The following LGI2 variants were observed in gnomAD, a reference collection of about 807,000 sequenced individuals.
LGI2 encodes leucine-rich repeat LGI family member 2.
LGI2 carries 30 observed loss-of-function variants against 52.0 expected under a neutral mutation model. The ratio of observed to expected loss-of-function variants is 0.58; its 90% CI spans 0.43 to 0.78. The LOEUF is 0.78. Ranked by LOEUF, LGI2 falls within the 30% of genes least tolerant of loss-of-function variation. The probability of loss-of-function intolerance (pLI) is 0.00; values close to 1 mark genes in which losing one functional copy is unlikely to be tolerated. For missense variants in LGI2, 573 were observed against 692.5 expected, an observed-to-expected ratio of 0.83 and a Z score of 1.94; for synonymous variants, 270 against 271.8, an observed-to-expected ratio of 0.99 and a Z score of 0.06.
At chr4:24,994,564 C>T (rs1246897980), downstream of LGI2, among the ~76,000 whole-genome samples, 1 of 152,152 alleles carries the variant, frequency 6.6e-6, no homozygotes, top group Non-Finnish European at 1.5e-5. Context: ...CACTCTCTCC[C>T]TCTGGTCTGC....
chr4:25,011,349 G>T (rs1398416143), intron 7 of LGI2, among the ~76,000 whole-genome samples: 1 of 152,126 alleles, frequency 6.6e-6, no homozygotes, highest in Admixed American at 6.5e-5. Context: ...TCTCCGGAAG[G>T]TGAGCTCAGC....
At chr4:25,010,142 C>T (rs372192169) in intron 7 of LGI2, among the ~76,000 whole-genome samples, 6 of 151,888 alleles carry the variant, frequency 4.0e-5, no homozygotes, top group Middle Eastern at 3.2e-3. Flanking sequence ...TAGCCGGGTG[C>T]GGTAGCAGGT....
rs558067025 is a variant in LGI2, at chr4:25,024,933, T to C, written c.342-42A>G. 4 of 1,315,958 alleles carry C rather than the reference T, an allele frequency of 3.0e-6. No individual in the cohort carries two copies. The African/African-American group carries it at 4.4e-5, about 15-fold the overall frequency. 81.5% of individuals were successfully genotyped at this position (1,315,958 alleles called of 1,614,324 possible). On this transcript the variant is annotated intron_variant, in intron 3 of 7. Coordinates refer to ENST00000382114, the MANE Select transcript of LGI2 (RefSeq NM_018176.4). ...TATAATTAAAATGAATTTTCTCTCCTTAGTATCCCAAAAAAACTATGTTGG... is the reference window on the plus strand; with the variant it reads ...TATAATTAAAATGAATTTTCTCTCCCTAGTATCCCAAAAAAACTATGTTGG...
rs9999022 is a variant in LGI2, at chr4:25,000,535, G to T, written c.*2916C>A. 0.47 allele frequency: 72,175 copies of T among 152,070 alleles called. 17,653 individuals are homozygous for T. Among genetic ancestry groups the T allele is most frequent in the East Asian group, 0.77 (3,988 of 5,174 alleles). The allele number at this position is 152,070 out of a possible 1,614,324, so 9.4% of individuals were successfully genotyped here. ...AACACAGTGCTCTTCATGTCTAAGA[G>T]TTATTTTTAGAGTCTTGATAATAGA... On this transcript the variant is annotated 3_prime_UTR_variant, in exon 8 of 8. Coordinates refer to ENST00000382114, the MANE Select transcript of LGI2 (RefSeq NM_018176.4).
intron 2 of LGI2, 77 bp downstream of exon 2, chr4:25,028,430 C>T (rs2109428181): frequency 7.4e-7 from 1 of 1,358,204 alleles, no homozygotes; most frequent in Non-Finnish European, 1.0e-6. Flanking sequence ...AGGGCTGATA[C>T]CAAAGAGGCA....
At chr4:24,994,404 T>C (rs1234533948), downstream of LGI2, among the ~76,000 whole-genome samples, 1 of 152,220 alleles carries the variant, frequency 6.6e-6, no homozygotes, top group Non-Finnish European at 1.5e-5. Flanking sequence ...GCTTGATTCC[T>C]ACTCCTGATG....
chr4:25,007,071 G>A (rs547939893), intron 7 of LGI2, among the ~76,000 whole-genome samples: 6 of 151,626 alleles, frequency 4.0e-5, no homozygotes, highest in African/African-American at 7.3e-5. Flanking sequence ...TTCACTTGGC[G>A]CCCATGCTGT....
chr4:25,030,401 C>T (rs1047104145), intron 1 of LGI2, 96 bp downstream of exon 1: 2 of 1,343,018 alleles, frequency 1.5e-6, no homozygotes, highest in African/African-American at 2.9e-5. Flanking sequence ...GGGAGTGGGT[C>T]AGGGTCGCGC....
rs1335764891 is a variant in LGI2 at position 25,030,916 on chromosome 4, C to T, written c.-223G>A. The T allele has an allele frequency of 2.5e-5, 4 of 158,872 alleles. No individual in the cohort carries two copies. The highest frequency in any genetic ancestry group is 4.8e-5 in the African/African-American group (2 of 41,384). 9.8% of individuals were successfully genotyped at this position (158,872 alleles called of 1,614,324 possible). On this transcript the variant is annotated 5_prime_UTR_variant, in exon 1 of 8. Transcript: ENST00000382114. ...ACCCGAGCCCGGGCTGCTGGGCGGC[C>T]GCCGCCGCTGCGCCCGCCGCACTCG... is the stretch of plus-strand genomic sequence containing the variant.
At position 25,004,325 on chromosome 4, in the gene LGI2, C is replaced by A; in HGVS notation, c.821-57G>T. 6.9e-7 allele frequency: 1 copy of A among 1,446,330 alleles called. No homozygotes were observed. Among genetic ancestry groups the A allele is most frequent in the South Asian group, 1.3e-5 (1 of 77,940 alleles). 89.6% of individuals were successfully genotyped at this position (1,446,330 alleles called of 1,614,324 possible). On this transcript the variant is annotated intron_variant, in intron 7 of 7. Transcript: ENST00000382114. The surrounding 1 kb of genome is among the most constrained non-coding windows in gnomAD (Gnocchi z 4.6). ...TGCAACTACAGCTAAAAACGCATCTCCGCTTGTACTCTTATACACTGCTGG... is the reference window on the plus strand; with the variant it reads ...TGCAACTACAGCTAAAAACGCATCTACGCTTGTACTCTTATACACTGCTGG...
chr4:25,011,298 T>G (rs1039180097), intron 7 of LGI2, among the ~76,000 whole-genome samples: 2 of 152,168 alleles, frequency 1.3e-5, no homozygotes, highest in South Asian at 2.1e-4. Flanking sequence ...CAGGTTCACC[T>G]GTGCTACTCT....
chr4:25,023,058 T>G (rs1287391257), intron 4 of LGI2, among the ~76,000 whole-genome samples: 1 of 85,780 alleles, frequency 1.2e-5, no homozygotes, highest in Non-Finnish European at 2.4e-5. Context: ...GGGAAGGAAT[T>G]ATGTTGATGT....
Position 24,999,956 on chromosome 4 carries a change from C to T in LGI2, c.*3495G>A, listed in dbSNP as rs7665498. On this transcript the variant is annotated 3_prime_UTR_variant, in exon 8 of 8. Coordinates refer to ENST00000382114, the MANE Select transcript of LGI2 (RefSeq NM_018176.4). ...AGATGTGTCTCAACCTCAACATCCT[C>T]CCCATAGCTATGCAGGGGGAGAAAC... The T allele has an allele frequency of 0.48, 208,413 of 430,078 alleles. 52,557 individuals are homozygous for T. The highest frequency in any genetic ancestry group is 0.77 in the East Asian group (10,104 of 13,106). 26.6% of individuals were successfully genotyped at this position (430,078 alleles called of 1,614,324 possible).
At chr4:25,009,303 G>T (rs145263595) in intron 7 of LGI2, among the ~76,000 whole-genome samples, 4 of 152,248 alleles carry the variant, frequency 2.6e-5, no homozygotes, top group Non-Finnish European at 4.4e-5. Context: ...ATGCTCTCCT[G>T]CCTCTACCTT....
intron 6 of LGI2, among the ~76,000 whole-genome samples, chr4:25,016,683 C>A (rs985593041): frequency 6.6e-6 from 1 of 152,130 alleles, no homozygotes; most frequent in African/African-American, 2.4e-5. Context: ...AACAAAGATA[C>A]CTAGAAATGA....
In LGI2 at chr4:25,002,552, C is replaced by T. The variant is rs999789183; in HGVS notation, c.*899G>A. The T allele has an allele frequency of 6.6e-6, 1 of 152,550 alleles. No individual in the cohort carries two copies. Among genetic ancestry groups the T allele is most frequent in the African/African-American group, 2.4e-5 (1 of 41,424 alleles). The allele number at this position is 152,550 out of a possible 1,614,324, so 9.4% of individuals were successfully genotyped here. ...TAAAATCTCACTTCAAAAATTCTAC[C>T]GAATGCTCATCAGACGGAAATAACT... On this transcript the variant is annotated 3_prime_UTR_variant, in exon 8 of 8. Coordinates refer to ENST00000382114, the MANE Select transcript of LGI2 (RefSeq NM_018176.4).
chr4:25,014,855 G>C (rs369090409), intron 6 of LGI2, among the ~76,000 whole-genome samples: 1 of 101,928 alleles, frequency 9.8e-6, no homozygotes, highest in Non-Finnish European at 1.9e-5. Flanking sequence ...AAAAAAAAAA[G>C]AGAGAGAGAG....
the LGI2 span, among the ~76,000 whole-genome samples, chr4:24,993,657 C>T: frequency 6.6e-6 from 1 of 152,160 alleles, no homozygotes; most frequent in African/African-American, 2.4e-5. Flanking sequence ...TCTCACAGCT[C>T]AGCTAGCGTT....
chr4:25,028,085 C>T (rs1382099173), intron 2 of LGI2, among the ~76,000 whole-genome samples: 1 of 152,188 alleles, frequency 6.6e-6, no homozygotes, highest in African/African-American at 2.4e-5. Context: ...CACGTAAGTT[C>T]ATAGGATGCT....
Sources: gnomAD v4.1 joint callset for allele counts (sites outside exome capture counted in the v4.1 genomes callset) on GRCh38, gnomAD v4.1.1 for gene constraint, Gnocchi (gnomAD v3.1) non-coding constraint, MANE v1.5 for transcripts, NCBI Gene and HGNC (gene_info 2026-07-23, HGNC 2026-07-21) for gene names.